The following NELL1 variants were observed in gnomAD, a reference collection of about 807,000 sequenced individuals.
NELL1 encodes protein kinase C-binding protein NELL1.
NELL1 carries 76 observed loss-of-function variants against 107.4 expected under a neutral mutation model. The ratio of observed to expected loss-of-function variants is 0.71; its 90% confidence interval spans 0.59 to 0.86. NELL1 has a LOEUF of 0.86. NELL1 is among the 40% of genes least tolerant of loss of function. The probability of loss-of-function intolerance (pLI) is 0.00; values close to 1 mark genes in which losing one functional copy is unlikely to be tolerated. For synonymous variants in NELL1, 353 were observed against 341.2 expected (o/e 1.03, Z -0.38); for missense variants, 1,024 against 1,005.5 (o/e 1.02, Z -0.25).
At chr11:21,218,532 A>G (rs562892578) in intron 13 of NELL1, among the ~76,000 whole-genome samples, 2 of 152,140 alleles carry the variant, frequency 1.3e-5, no homozygotes, top group South Asian at 2.1e-4. Flanking sequence ...AAAATATGCA[A>G]TAAGTTACCC....
chr11:20,975,952 T>TAC (rs1851616689), intron 12 of NELL1, among the ~76,000 whole-genome samples: 4 of 131,120 alleles, frequency 3.1e-5, no homozygotes, highest in Admixed American at 1.5e-4. Context: ...TACATATATG[T>TAC]ACATTATATA....
intron 14 of NELL1, among the ~76,000 whole-genome samples, chr11:21,266,227 T>G (rs1387684709): frequency 2.0e-5 from 3 of 152,046 alleles, no homozygotes; most frequent in African/African-American, 7.2e-5. Context: ...GTAACCTCTG[T>G]GAAGGCAGTA....
intron 15 of NELL1, among the ~76,000 whole-genome samples, chr11:21,425,061 GC>G (rs1852785844): frequency 6.6e-6 from 1 of 152,046 alleles, no homozygotes; most frequent in Admixed American, 6.6e-5. Flanking sequence ...TAATTCAAAA[GC>G]CTATTAAAAG....
chr11:21,179,444 G>A (rs1450956357), intron 13 of NELL1, among the ~76,000 whole-genome samples: 1 of 151,856 alleles, frequency 6.6e-6, no homozygotes, highest in Non-Finnish European at 1.5e-5. Context: ...TGGCAGAGGT[G>A]GCTGTGCTTC....
chr11:20,818,406 C>CT (rs57318040), intron 3 of NELL1, among the ~76,000 whole-genome samples: 25 of 108,670 alleles, frequency 2.3e-4, no homozygotes, highest in African/African-American at 6.9e-4. Flanking sequence ...GCAACCCCTG[C>CT]TTTTTTTTTT....
intron 12 of NELL1, among the ~76,000 whole-genome samples, chr11:20,989,077 GGTT>G (rs1195997927): frequency 6.6e-6 from 1 of 152,172 alleles, no homozygotes; most frequent in Non-Finnish European, 1.5e-5. Flanking sequence ...AAGACAGCAA[GGTT>G]AAGCCACTTG....
At chr11:21,006,856 G>A (rs1852338704) in intron 12 of NELL1, among the ~76,000 whole-genome samples, 1 of 152,082 alleles carries the variant, frequency 6.6e-6, no homozygotes, top group Admixed American at 6.6e-5. Flanking sequence ...CTGGGCCAAA[G>A]GAAATTCTTT....
rs947206722 is a variant in NELL1 at position 20,689,318 on chromosome 11, G to T, written c.184+11258G>T. On this transcript the variant is annotated intron_variant, in intron 2 of 19. Coordinates refer to ENST00000357134, the MANE Select transcript of NELL1 (RefSeq NM_006157.5). Reference sequence around the variant, plus strand: ...TTATTATTATACTTTAAGTTTTAGGGTACATGTGCACAATGTGCTGGTTAG... The same window carrying T: ...TTATTATTATACTTTAAGTTTTAGGTTACATGTGCACAATGTGCTGGTTAG... Among the ~76,000 whole-genome samples, 17 of 150,976 alleles carry T rather than the reference G, an allele frequency of 1.1e-4. 1 individual carries two copies. Among genetic ancestry groups the T allele is most frequent in the African/African-American group, 4.1e-4 (17 of 41,088 alleles).
intron 2 of NELL1, among the ~76,000 whole-genome samples, chr11:20,723,879 C>T (rs950395045): frequency 6.6e-6 from 1 of 152,242 alleles, no homozygotes; most frequent in Non-Finnish European, 1.5e-5. Context: ...TCCCAAACCT[C>T]AGCTCTTGAC....
intron 14 of NELL1, among the ~76,000 whole-genome samples, chr11:21,356,656 AT>A (rs1266570328): frequency 1.3e-5 from 2 of 152,168 alleles, no homozygotes; most frequent in Admixed American, 6.5e-5. Flanking sequence ...ATATTTTACA[AT>A]TAATTTGTTT....
chr11:20,902,034 C>A (rs1036055122), intron 5 of NELL1, among the ~76,000 whole-genome samples: 2 of 151,988 alleles, frequency 1.3e-5, no homozygotes, highest in Non-Finnish European at 2.9e-5. Context: ...GAATTAAATA[C>A]CTAACTGAAA....
chr11:21,558,689 G>A (rs760107559), intron 16 of NELL1, among the ~76,000 whole-genome samples: 2 of 152,004 alleles, frequency 1.3e-5, no homozygotes, highest in Non-Finnish European at 2.9e-5. Context: ...GAAGATAAAT[G>A]AGAGAAAAAC....
intron 13 of NELL1, among the ~76,000 whole-genome samples, chr11:21,221,128 A>C (rs959804040): frequency 6.6e-6 from 1 of 152,136 alleles, no homozygotes; most frequent in Admixed American, 6.6e-5. Context: ...TGAGATGATA[A>C]TATGGTTTTT....
intron 12 of NELL1, among the ~76,000 whole-genome samples, chr11:21,094,120 A>G (rs938590310): frequency 3.9e-5 from 6 of 152,172 alleles, no homozygotes. Context: ...GGGATTGGGT[A>G]AATACAGCCA....
intron 12 of NELL1, among the ~76,000 whole-genome samples, chr11:21,048,434 T>C (rs1222819831): frequency 1.3e-5 from 2 of 152,198 alleles, no homozygotes; most frequent in African/African-American, 4.8e-5. Flanking sequence ...TTCCTAATTA[T>C]GATGATCTGT....
At chr11:21,571,269 T>C (rs1383149341) in intron 18 of NELL1, among the ~76,000 whole-genome samples, 1 of 151,886 alleles carries the variant, frequency 6.6e-6, no homozygotes. Context: ...CTGACAGAGC[T>C]AAATCTCTCA....
chr11:20,944,336 A>T (rs7927397), intron 10 of NELL1, among the ~76,000 whole-genome samples: 92,321 of 145,968 alleles, frequency 0.63, 30,497 homozygotes, highest in Non-Finnish European at 0.77. Context: ...CATAATTTTT[A>T]AAAAAAAATC....
rs540695993 is a variant in NELL1, at chr11:21,330,640, T to C, written c.1550-40213T>C. On this transcript the variant is annotated intron_variant, in intron 14 of 19. Transcript: ENST00000357134. ...GTATAATAAGTCATTTTTCCTTTGC[T>C]GTTTTCCTGATTTTCTCTTTGTATT... 5.1e-4 allele frequency among the ~76,000 whole-genome samples: 77 copies of C among 152,238 alleles called. 1 individual carries two copies. In the South Asian group the frequency reaches 0.016, roughly 32 times the overall value.
chr11:20,894,999 C>T lies in NELL1; in HGVS notation c.603+9459C>T, dbSNP rs530504661. 3.1e-4 allele frequency among the ~76,000 whole-genome samples: 44 copies of T among 143,456 alleles called. 4 individuals carry two copies. The highest frequency in any genetic ancestry group is 1.3e-3 in the African/African-American group (42 of 33,502). 94.1% of individuals were successfully genotyped at this position (143,456 alleles called of 152,430 possible). On this transcript the variant is annotated intron_variant, in intron 5 of 19. Coordinates refer to ENST00000357134, the MANE Select transcript of NELL1 (RefSeq NM_006157.5). Reference sequence around the variant, plus strand: ...TGAAATTATTCCCTCTGGCCGGGCGCGGTGGCTCACGCCTGTAATCCCAGC... The same window carrying T: ...TGAAATTATTCCCTCTGGCCGGGCGTGGTGGCTCACGCCTGTAATCCCAGC...
Sources: allele counts gnomAD v4.1 joint callset (sites outside exome capture counted in the v4.1 genomes callset), GRCh38; gene constraint gnomAD v4.1.1; transcripts MANE v1.5; gene names NCBI Gene and HGNC (gene_info 2026-07-23, HGNC 2026-07-21).